PGAP1: variants seen among roughly 807,000 people sequenced by gnomAD.
PGAP1 encodes the protein GPI inositol-deacylase.
In PGAP1, 76 loss-of-function variants were observed where a neutral mutation model predicts 127.0. That is an observed-to-expected ratio of 0.60 (90% confidence interval 0.50 to 0.72). The LOEUF (loss-of-function observed/expected upper bound fraction) is 0.72. Ranked by LOEUF, PGAP1 falls within the 30% of genes least tolerant of loss-of-function variation. The pLI, the probability that PGAP1 is intolerant of heterozygous loss-of-function variation, is 0.00. For missense variants in PGAP1, 982 were observed against 1,071.3 expected, an observed-to-expected ratio of 0.92 and a Z score of 1.16; for synonymous variants, 362 against 366.5, an observed-to-expected ratio of 0.99 and a Z score of 0.14.
At position 196,839,427 on chromosome 2, in the gene PGAP1, T is replaced by C. The variant is rs889661458; in HGVS notation, c.*1807A>G. On this transcript the variant is annotated 3_prime_UTR_variant, in exon 27 of 27. Transcript: ENST00000354764. The stretch of plus-strand genomic sequence containing the variant: ...AGTATATAATCTAATAAATTCTCTC[T>C]CTTTCCTCTCCAGCTGAAACATATA... 3 of 152,230 alleles carry C rather than the reference T, an allele frequency of 2.0e-5. No homozygotes were observed. Among genetic ancestry groups the C allele is most frequent in the Non-Finnish European group, 2.9e-5 (2 of 68,050 alleles). The allele number at this position is 152,230 out of a possible 1,614,324, so 9.4% of individuals were successfully genotyped here. A position where few individuals can be genotyped will look rare whatever the true frequency, so the allele number is the denominator to read the frequency against.
At chr2:196,905,011 T>C (rs1203834793) in intron 4 of PGAP1, among the ~76,000 whole-genome samples, 1 of 152,150 alleles carries the variant, frequency 6.6e-6, no homozygotes, top group Non-Finnish European at 1.5e-5. Context: ...TAATTTTGAC[T>C]TAGTAAAATA....
At chr2:196,869,458 C>T (rs939756445) in intron 19 of PGAP1, among the ~76,000 whole-genome samples, 2 of 152,112 alleles carry the variant, frequency 1.3e-5, no homozygotes, top group African/African-American at 4.8e-5. Flanking sequence ...CCTCAGCCTC[C>T]CCAGTAGCTG....
At chr2:196,902,476 A>C in intron 5 of PGAP1, 109 bp downstream of exon 5, 1 of 910,446 alleles carries the variant, frequency 1.1e-6, no homozygotes, top group East Asian at 2.6e-5. Context: ...CAGCAGTCCA[A>C]CACCACTAAC....
chr2:196,865,105 C>A (rs2125793171), intron 19 of PGAP1, 25 bp from the exon 20 acceptor site: 1 of 1,291,442 alleles, frequency 7.7e-7, no homozygotes, highest in African/African-American at 1.5e-5. Context: ...AGTCAATGGG[C>A]AACTCCTGAA....
chr2:196,875,561 T>A (rs1243442616), intron 14 of PGAP1, among the ~76,000 whole-genome samples, 185 bp downstream of exon 14: 3 of 152,182 alleles, frequency 2.0e-5, no homozygotes, highest in Non-Finnish European at 4.4e-5. Flanking sequence ...TATGTGATTA[T>A]GGAAGTTCAC....
intron 25 of PGAP1, among the ~76,000 whole-genome samples, chr2:196,843,041 A>C (rs1240485014): frequency 2.6e-5 from 4 of 152,146 alleles, no homozygotes; most frequent in African/African-American, 4.8e-5. Context: ...GAAACTACTA[A>C]AGGAAATGAA....
intron 20 of PGAP1, among the ~76,000 whole-genome samples, chr2:196,857,734 C>G (rs926175435): frequency 6.6e-6 from 1 of 152,178 alleles, no homozygotes; most frequent in African/African-American, 2.4e-5. Context: ...AGACTGCAAC[C>G]TGGAACAAAG....
In PGAP1 at chr2:196,847,946, C is replaced by G. The variant is rs587777202; in HGVS notation, c.1952+1G>C. The G allele has an allele frequency of 1.9e-6, 3 of 1,557,508 alleles. No individual in the cohort carries two copies. The highest frequency in any genetic ancestry group is 3.9e-5 in the Admixed American group (2 of 51,354). ...TCATTATCACAGATAATAAAACTTACCCCAACAGAAACTTAATGATAATTA... is the reference window on the plus strand; with the variant it reads ...TCATTATCACAGATAATAAAACTTAGCCCAACAGAAACTTAATGATAATTA... On this transcript the variant is annotated splice_donor_variant, in intron 21 of 26. Coordinates refer to ENST00000354764, the MANE Select transcript of PGAP1 (RefSeq NM_024989.4). LOFTEE classifies it high-confidence loss of function.
intron 25 of PGAP1, 96 bp from the exon 26 acceptor site, chr2:196,842,921 G>A: frequency 2.0e-6 from 1 of 512,116 alleles, no homozygotes; most frequent in Non-Finnish European, 3.4e-6. Context: ...AGACATTCCA[G>A]TAGCAATATG....
chr2:196,880,553 T>C (rs1437053195), intron 12 of PGAP1, among the ~76,000 whole-genome samples: 3 of 152,194 alleles, frequency 2.0e-5, no homozygotes, highest in South Asian at 2.1e-4. Context: ...AAACATTCAA[T>C]AGCTGATGAA....
chr2:196,913,785 G>T (rs1043582905), intron 3 of PGAP1, among the ~76,000 whole-genome samples: 1 of 152,190 alleles, frequency 6.6e-6, no homozygotes, highest in Admixed American at 6.5e-5. Context: ...TGGATACAAG[G>T]TTGGCTCTTG....
chr2:196,891,928 C>A (rs1440100386), intron 9 of PGAP1, among the ~76,000 whole-genome samples: 6 of 151,822 alleles, frequency 4.0e-5, no homozygotes, highest in Non-Finnish European at 8.8e-5. Flanking sequence ...AGGACCACAA[C>A]AGGCAAAGGA....
intron 11 of PGAP1, 105 bp downstream of exon 11, chr2:196,885,729 A>T: frequency 1.4e-6 from 1 of 725,358 alleles, no homozygotes; most frequent in Non-Finnish European, 2.0e-6. Context: ...TTATAATTTC[A>T]TATAGCATCA....
intron 20 of PGAP1, among the ~76,000 whole-genome samples, chr2:196,856,010 T>G (rs72920810): frequency 0.11 from 16,447 of 152,016 alleles, 939 homozygotes; most frequent in Middle Eastern, 0.13. Context: ...TTTTTGTTTT[T>G]TGTGTGTGTG....
Position 196,838,274 on chromosome 2 carries a change from C to T in PGAP1, c.*2960G>A, listed in dbSNP as rs1265129630. The T allele has an allele frequency of 6.6e-6, 1 of 152,078 alleles. No individual in the cohort carries two copies. The highest frequency in any genetic ancestry group is 1.5e-5 in the Non-Finnish European group (1 of 68,016). 9.4% of individuals were successfully genotyped at this position (152,078 alleles called of 1,614,324 possible). A position where few individuals can be genotyped will look rare whatever the true frequency, so the allele number is the denominator to read the frequency against. On this transcript the variant is annotated 3_prime_UTR_variant, in exon 27 of 27. Coordinates refer to ENST00000354764, the MANE Select transcript of PGAP1 (RefSeq NM_024989.4). ...TAACAGTTGCTGTAAAAGTTGAGCT[C>T]AGAAATTTCCTGAATTAGATAATCT...
At chr2:196,885,786 G>T (rs370427817) in intron 11 of PGAP1, 48 bp downstream of exon 11, 2 of 1,214,970 alleles carry the variant, frequency 1.6e-6, no homozygotes, top group South Asian at 2.4e-5. Flanking sequence ...TGTGGTTTCC[G>T]AGTATTGTTT....
chr2:196,845,757 C>T, intron 23 of PGAP1, 125 bp downstream of exon 23: 3 of 641,530 alleles, frequency 4.7e-6, no homozygotes, highest in Non-Finnish European at 7.2e-6. Context: ...ACATTCAAAC[C>T]CGTTATGTAA....
Position 196,917,685 on chromosome 2 carries a change from T to C in PGAP1, c.302-1092A>G, listed in dbSNP as rs1703061688. 2.6e-5 allele frequency among the ~76,000 whole-genome samples: 4 copies of C among 152,232 alleles called. No individual in the cohort carries two copies. The South Asian group carries it at 8.3e-4, about 31-fold the overall frequency. On this transcript the variant is annotated intron_variant, in intron 2 of 26. Transcript: ENST00000354764. ...TGTATCAGTACTTCATTCCTCTTTT[T>C]TATTGAATAATATTCCATTATATGA...
In PGAP1 at chr2:196,926,672, C is replaced by A; in HGVS notation, c.-56G>T. 1 of 1,610,130 alleles carries A rather than the reference C, an allele frequency of 6.2e-7. No homozygotes were observed. The highest frequency in any genetic ancestry group is 2.2e-5 in the East Asian group (1 of 44,822). The stretch of plus-strand genomic sequence containing the variant: ...GCCCCCTCTACCTCCTTCTCCGCCG[C>A]GGGGCCCCAAGCCCGGACTGAGCGT... On this transcript the variant is annotated 5_prime_UTR_variant, in exon 1 of 27. Transcript: ENST00000354764.
Sources: allele counts gnomAD v4.1 joint callset (sites outside exome capture counted in the v4.1 genomes callset), GRCh38; gene constraint gnomAD v4.1.1; transcripts MANE v1.5; gene names NCBI Gene and HGNC (gene_info 2026-07-23, HGNC 2026-07-21).